Variants in NF1 observed in about 807,000 individuals in gnomAD.
NF1 encodes neurofibromin.
In NF1, 122 loss-of-function variants were observed where a neutral mutation model predicts 325.7. The ratio of observed to expected loss-of-function variants is 0.37; its 90% CI spans 0.32 to 0.44. NF1 has a LOEUF of 0.44. Among genes scored for constraint, NF1 ranks in the 20% least tolerant of loss-of-function variants. NF1 has a pLI of 1.00. For missense variants in NF1, 2,140 were observed against 3,415.4 expected, an observed-to-expected ratio of 0.63 and a Z score of 9.31; for synonymous variants, 1,091 against 1,186.0, an observed-to-expected ratio of 0.92 and a Z score of 1.65.
chr17:31,241,353 A>G (rs1433679869), intron 29 of NF1, among the ~76,000 whole-genome samples: 4 of 152,120 alleles, frequency 2.6e-5, no homozygotes, highest in East Asian at 3.8e-4. Context: ...ATTCAGTGTT[A>G]TTATTGACGA....
intron 57 of NF1, among the ~76,000 whole-genome samples, chr17:31,368,547 C>T (rs2070575476): frequency 6.6e-6 from 1 of 152,144 alleles, no homozygotes; most frequent in African/African-American, 2.4e-5. Context: ...TAAAAATAGG[C>T]TGTAGCTACC....
At chr17:31,220,119 CTT>C (rs965790866) in intron 14 of NF1, among the ~76,000 whole-genome samples, 1 of 152,134 alleles carries the variant, frequency 6.6e-6, no homozygotes, top group African/African-American at 2.4e-5. Flanking sequence ...CTGTCAAACT[CTT>C]TTTCTGAAGC....
At chr17:31,330,177 A>C in intron 38 of NF1, 119 bp from the exon 39 acceptor site, 1 of 868,962 alleles carries the variant, frequency 1.2e-6, no homozygotes, top group South Asian at 1.5e-5. Flanking sequence ...ACTGATCATA[A>C]AATTTAAAAA....
At chr17:31,228,671 A>G (rs551414702) in intron 20 of NF1, among the ~76,000 whole-genome samples, 1 of 151,478 alleles carries the variant, frequency 6.6e-6, no homozygotes, top group Non-Finnish European at 1.5e-5. Context: ...CCATGAATCT[A>G]CTTTCTGTCT....
At chr17:31,282,242 C>T (rs968831069) in intron 36 of NF1, among the ~76,000 whole-genome samples, 3 of 151,576 alleles carry the variant, frequency 2.0e-5, no homozygotes, top group Admixed American at 6.6e-5. Flanking sequence ...ATCAGCTGGG[C>T]GCGGTGGCAG....
intron 29 of NF1, among the ~76,000 whole-genome samples, chr17:31,246,619 G>A (rs2067395501): frequency 6.6e-6 from 1 of 152,148 alleles, no homozygotes; most frequent in Non-Finnish European, 1.5e-5. Flanking sequence ...ACAGATAAGT[G>A]GTGAGTTTCA....
At chr17:31,213,017 C>A (rs1174211126) in intron 12 of NF1, among the ~76,000 whole-genome samples, 2 of 152,100 alleles carry the variant, frequency 1.3e-5, no homozygotes, top group African/African-American at 2.4e-5. Flanking sequence ...AATTCTGATA[C>A]CTGCTCATTG....
At chr17:31,131,645 A>G (rs537079112) in intron 1 of NF1, among the ~76,000 whole-genome samples, 1 of 152,150 alleles carries the variant, frequency 6.6e-6, no homozygotes, top group Non-Finnish European at 1.5e-5. Context: ...TTGATGTTAC[A>G]TTCTGTGGGC....
Position 31,336,964 on chromosome 17 carries a change from AC to A in NF1, c.6427+51del, listed in dbSNP as rs1415457092. ...GTTTACCAGTTCCTTTCTCCATTTT[AC>A]TTCACCTGATCAATATAGATTATCT... is the stretch of plus-strand genomic sequence containing the variant. On this transcript the variant is annotated intron_variant, in intron 42 of 57. Coordinates refer to ENST00000358273, the MANE Select transcript of NF1 (RefSeq NM_001042492.3). The surrounding 1 kb of genome is among the most constrained non-coding windows in gnomAD (Gnocchi z 5.5). The A allele has an allele frequency of 6.4e-7, 1 of 1,563,104 alleles. No homozygotes were observed. Among genetic ancestry groups the A allele is most frequent in the South Asian group, 1.1e-5 (1 of 89,596 alleles).
intron 29 of NF1, among the ~76,000 whole-genome samples, chr17:31,245,866 T>C (rs2067381032): frequency 6.6e-6 from 1 of 152,192 alleles, no homozygotes; most frequent in African/African-American, 2.4e-5. Context: ...CTCCTCTCCT[T>C]GGAGGTTGGG....
At chr17:31,134,947 A>G (rs1261509350) in intron 1 of NF1, among the ~76,000 whole-genome samples, 1 of 152,216 alleles carries the variant, frequency 6.6e-6, no homozygotes, top group Non-Finnish European at 1.5e-5. Flanking sequence ...GGGTGTGGAT[A>G]TCAGAATGTA....
intron 36 of NF1, among the ~76,000 whole-genome samples, chr17:31,293,209 A>G (rs890402553): frequency 1.0e-4 from 14 of 134,868 alleles, no homozygotes; most frequent in South Asian, 6.9e-4. Flanking sequence ...AAAAAAAAAA[A>G]AAGAAACCTA....
At chr17:31,289,998 C>CAT (rs1211119555) in intron 36 of NF1, among the ~76,000 whole-genome samples, 1 of 152,032 alleles carries the variant, frequency 6.6e-6, no homozygotes, top group Non-Finnish European at 1.5e-5. Flanking sequence ...GCCATATTCC[C>CAT]ATATATTAAT....
chr17:31,356,289 T>G, intron 51 of NF1, 171 bp from the exon 52 acceptor site: 1 of 612,738 alleles, frequency 1.6e-6, no homozygotes, highest in South Asian at 1.9e-5. Flanking sequence ...CAAAACCCTT[T>G]GAGAAGATGG....
chr17:31,149,921 C>T (rs1916814659), intron 1 of NF1, among the ~76,000 whole-genome samples: 1 of 152,034 alleles, frequency 6.6e-6, no homozygotes, highest in Non-Finnish European at 1.5e-5. Context: ...GCAAAGTGAC[C>T]ACTGGTCCAA....
At chr17:31,237,521 C>T (rs781064208) in intron 29 of NF1, among the ~76,000 whole-genome samples, 6 of 152,188 alleles carry the variant, frequency 3.9e-5, no homozygotes, top group Non-Finnish European at 8.8e-5. Context: ...AAGAGATCCA[C>T]ATGCTGTGGC....
intron 13 of NF1, among the ~76,000 whole-genome samples, chr17:31,218,547 T>C (rs1192957890): frequency 1.3e-5 from 2 of 151,928 alleles, no homozygotes; most frequent in African/African-American, 4.8e-5. Context: ...AGAACTTTTT[T>C]TTCTTTCTTT....
chr17:31,119,157 G>A (rs1470511951), intron 1 of NF1, among the ~76,000 whole-genome samples: 2 of 151,472 alleles, frequency 1.3e-5, no homozygotes, highest in Non-Finnish European at 3.0e-5. Context: ...TGGGCAGGAT[G>A]GTCTTGATCT....
In NF1 at chr17:31,324,842, G is replaced by A. The variant is rs148884689; in HGVS notation, c.4836-978G>A. On this transcript the variant is annotated intron_variant, in intron 36 of 57. Transcript: ENST00000358273. Reference sequence around the variant, plus strand: ...CTCCCAGAGTGCTGGGAATACAGGCGTGAGCCACTGTGCCCAGCCCTGATT... The same window carrying A: ...CTCCCAGAGTGCTGGGAATACAGGCATGAGCCACTGTGCCCAGCCCTGATT... Among the ~76,000 whole-genome samples the A allele has an allele frequency of 7.6e-3, 1,165 of 152,318 alleles. 19 individuals are homozygous for A. The highest frequency in any genetic ancestry group is 0.027 in the African/African-American group (1,120 of 41,570).
Sources: allele counts gnomAD v4.1 joint callset (sites outside exome capture counted in the v4.1 genomes callset), GRCh38; gene constraint gnomAD v4.1.1; non-coding constraint Gnocchi (gnomAD v3.1); transcripts MANE v1.5; gene names NCBI Gene and HGNC (gene_info 2026-07-23, HGNC 2026-07-21).